The following CPE variants were observed in gnomAD, a reference collection of about 807,000 sequenced individuals.
CPE encodes the protein carbocypeptidase E.
Under a neutral mutation model 53.5 loss-of-function variants are expected in CPE, and 17 were observed. That is an observed-to-expected ratio of 0.32 (90% CI 0.22 to 0.48). The LOEUF (loss-of-function observed/expected upper bound fraction) is 0.48, where lower values mean the gene tolerates loss of function less well. CPE is among the 20% of genes least tolerant of loss of function. The pLI is 0.99. For synonymous variants in CPE, 226 were observed against 228.8 expected (o/e 0.99, Z 0.11); for missense variants, 524 against 614.7 (o/e 0.85, Z 1.56).
chr4:165,481,886 C>T (rs1732421138), intron 3 of CPE, among the ~76,000 whole-genome samples: 1 of 152,186 alleles, frequency 6.6e-6, no homozygotes, highest in Non-Finnish European at 1.5e-5. Flanking sequence ...TTATCCTTAA[C>T]TATTCATAAT....
At chr4:165,398,167 T>G (rs116308547) in intron 1 of CPE, among the ~76,000 whole-genome samples, 2,677 of 151,816 alleles carry the variant, frequency 0.018, 74 homozygotes, top group African/African-American at 0.061. Context: ...TCTCAATTAA[T>G]TAATTATTCT....
rs992687560 is a variant in CPE at position 165,417,735 on chromosome 4, G to A, written c.307+38207G>A. ...CATCCAAAAGTGTCTAGGGCCTTAA[G>A]TTCAGTTCCTTTTATTACAACTTTA... On this transcript the variant is annotated intron_variant, in intron 1 of 8. Coordinates refer to ENST00000402744, the MANE Select transcript of CPE (RefSeq NM_001873.4). Among the ~76,000 whole-genome samples, 11 of 149,516 alleles carry A rather than the reference G, an allele frequency of 7.4e-5. No individual in the cohort carries two copies. The South Asian group carries it at 1.7e-3, about 23-fold the overall frequency.
At chr4:165,389,031 C>T (rs1253228105) in intron 1 of CPE, among the ~76,000 whole-genome samples, 3 of 152,122 alleles carry the variant, frequency 2.0e-5, no homozygotes, top group Non-Finnish European at 2.9e-5. Flanking sequence ...CTTTATAGAG[C>T]TCACACAAAG....
At chr4:165,381,415 T>A in intron 1 of CPE, 1 of 434,762 alleles carries the variant, frequency 2.3e-6, no homozygotes, top group East Asian at 7.1e-5. Flanking sequence ...AAAAAATGAA[T>A]CCATCAATAG....
rs766294335 is a variant in CPE at position 165,410,952 on chromosome 4, G to A, written c.307+31424G>A. 8.5e-5 allele frequency among the ~76,000 whole-genome samples: 13 copies of A among 152,218 alleles called. No individual in the cohort carries two copies. In the Middle Eastern group the frequency reaches 0.01, roughly 119 times the overall value. On this transcript the variant is annotated intron_variant, in intron 1 of 8. Coordinates refer to ENST00000402744, the MANE Select transcript of CPE (RefSeq NM_001873.4). The stretch of plus-strand genomic sequence containing the variant: ...AGCTGGGTTTCAGGGGACGTCAAAG[G>A]TAATTTCATGACTATATTAGTAGAT...
At chr4:165,457,472 A>G (rs1482529795) in intron 1 of CPE, among the ~76,000 whole-genome samples, 2 of 152,238 alleles carry the variant, frequency 1.3e-5, no homozygotes, top group Non-Finnish European at 2.9e-5. Flanking sequence ...AAACTTGTGA[A>G]GCTGGAAATA....
intron 1 of CPE, among the ~76,000 whole-genome samples, chr4:165,411,625 C>G (rs1731044282): frequency 6.6e-6 from 1 of 152,154 alleles, no homozygotes. Flanking sequence ...TGTCATAGCT[C>G]ACATGGAAAC....
chr4:165,404,099 T>C, intron 1 of CPE: 1 of 894,256 alleles, frequency 1.1e-6, no homozygotes, highest in Non-Finnish European at 1.9e-6. Flanking sequence ...GCTGTTAGTG[T>C]GGTCAGCTAG....
intron 1 of CPE, among the ~76,000 whole-genome samples, chr4:165,443,345 T>A (rs1040802114): frequency 1.3e-5 from 2 of 152,258 alleles, no homozygotes; most frequent in African/African-American, 2.4e-5. Flanking sequence ...CCAGCCACTA[T>A]TCTAAGGTCC....
chr4:165,407,077 TG>T (rs1241408313), intron 1 of CPE, among the ~76,000 whole-genome samples: 5 of 152,336 alleles, frequency 3.3e-5, no homozygotes, highest in Admixed American at 6.5e-5. Context: ...TTTGTGGATA[TG>T]TGTGTTTATT....
chr4:165,395,319 A>C (rs2126657812), intron 1 of CPE, among the ~76,000 whole-genome samples: 1 of 152,280 alleles, frequency 6.6e-6, no homozygotes, highest in Non-Finnish European at 1.5e-5. Context: ...CAATTGCTTT[A>C]ATTCTCCATT....
chr4:165,450,260 T>C (rs1162723246), intron 1 of CPE, among the ~76,000 whole-genome samples: 1 of 152,160 alleles, frequency 6.6e-6, no homozygotes, highest in East Asian at 1.9e-4. Context: ...ATCAGAAATG[T>C]CAAGATTTTG....
chr4:165,406,201 T>G (rs1730951298), intron 1 of CPE: 2 of 679,252 alleles, frequency 2.9e-6, no homozygotes, highest in East Asian at 5.9e-5. Flanking sequence ...TAAATAACTA[T>G]CACATCCCCT....
At chr4:165,476,761 G>T (rs1296453535) in intron 3 of CPE, among the ~76,000 whole-genome samples, 1 of 152,132 alleles carries the variant, frequency 6.6e-6, no homozygotes, top group Non-Finnish European at 1.5e-5. Flanking sequence ...TGAGACAAAG[G>T]CTACCAAAGG....
intron 7 of CPE, 127 bp downstream of exon 7, chr4:165,493,397 C>A: frequency 1.5e-6 from 1 of 658,844 alleles, no homozygotes. Flanking sequence ...CGTTTCTCAG[C>A]TTTGATCTGG....
intron 1 of CPE, among the ~76,000 whole-genome samples, chr4:165,444,307 T>C (rs1731664221): frequency 6.6e-6 from 1 of 152,078 alleles, no homozygotes; most frequent in Non-Finnish European, 1.5e-5. Flanking sequence ...TTTTTAACCA[T>C]TAGAAGGGGT....
chr4:165,484,509 C>A lies in CPE; in HGVS notation c.878C>A (p.Ser293Tyr). Residue 293 changes from serine (S) to tyrosine (Y), a missense_variant, in exon 5 of 9, where the codon TCT (serine) becomes TAT (tyrosine). Physicochemically the swap from Ser to Tyr is moderately radical, Grantham distance 144. Transcript: ENST00000402744. Reference protein sequence around the residue: ...RAYSSFNPAMSDPNRPPCRKN... With the variant: ...RAYSSFNPAMYDPNRPPCRKN... ...TACTCTTCTTTCAACCCGGCCATGT[C>A]TGACCCCAATCGGCCACCATGTCGC... 2 of 1,614,160 alleles carry A rather than the reference C, an allele frequency of 1.2e-6. No homozygotes were observed. Among genetic ancestry groups the A allele is most frequent in the Non-Finnish European group, 1.7e-6 (2 of 1,179,998 alleles).
intron 1 of CPE, among the ~76,000 whole-genome samples, chr4:165,438,361 T>C (rs943057390): frequency 6.6e-6 from 1 of 152,124 alleles, no homozygotes; most frequent in Non-Finnish European, 1.5e-5. Context: ...GAAGGCCATT[T>C]TGGTCTAGAG....
intron 1 of CPE, among the ~76,000 whole-genome samples, chr4:165,430,783 A>T (rs769286038): frequency 2.0e-5 from 3 of 152,218 alleles, no homozygotes; most frequent in Non-Finnish European, 4.4e-5. Context: ...AAAAGAAAAA[A>T]AATGAGACAA....
Sources: gnomAD v4.1 joint callset for allele counts (sites outside exome capture counted in the v4.1 genomes callset) on GRCh38, gnomAD v4.1.1 for gene constraint, MANE v1.5 for transcripts, NCBI Gene and HGNC (gene_info 2026-07-23, HGNC 2026-07-21) for gene names.